The following ASH1L variants were observed in gnomAD, a reference collection of about 807,000 sequenced individuals.
The protein encoded by ASH1L is ASH1 like histone lysine methyltransferase, also known as histone-lysine N-methyltransferase ASH1L.
A neutral mutation model predicts 269.0 loss-of-function variants in ASH1L; 23 were observed. The observed-to-expected ratio is 0.09, with a 90% CI of 0.06 to 0.12. ASH1L has a LOEUF of 0.12. ASH1L is among the 10% of genes least tolerant of loss of function. ASH1L has a pLI of 1.00. For missense variants in ASH1L, 2,912 were observed against 3,567.8 expected (o/e 0.82, Z 4.68); for synonymous variants, 1,187 against 1,253.5 (o/e 0.95, Z 1.12).
chr1:155,482,566 G>T, intron 2 of ASH1L, 117 bp from the exon 3 acceptor site: 1 of 1,131,082 alleles, frequency 8.8e-7, no homozygotes, highest in Non-Finnish European at 1.3e-6. Context: ...GGCAACAGTG[G>T]TTTTTAAAAA....
intron 2 of ASH1L, among the ~76,000 whole-genome samples, chr1:155,508,826 A>G (rs897364821): frequency 7.2e-5 from 11 of 152,154 alleles, no homozygotes; most frequent in Non-Finnish European, 1.5e-4. Flanking sequence ...AACAGGACCA[A>G]AAGAAAAGAA....
chr1:155,551,044 C>T (rs1671164038), intron 1 of ASH1L, among the ~76,000 whole-genome samples: 1 of 152,102 alleles, frequency 6.6e-6, no homozygotes, highest in Admixed American at 6.6e-5. Flanking sequence ...CGGTCTGGAA[C>T]TCCTGGGCTC....
chr1:155,562,109 G>A (rs1335104090), intron 1 of ASH1L, 44 bp downstream of exon 1: 8 of 1,268,196 alleles, frequency 6.3e-6, no homozygotes, highest in Non-Finnish European at 7.8e-6. Flanking sequence ...CAATCGCTGA[G>A]AGAGTGCTTA....
At chr1:155,519,430 C>T (rs1215375752) in intron 2 of ASH1L, among the ~76,000 whole-genome samples, 1 of 151,764 alleles carries the variant, frequency 6.6e-6, no homozygotes, top group Non-Finnish European at 1.5e-5. Context: ...GAGTGAAACT[C>T]CAACTCAAAA....
intron 6 of ASH1L, among the ~76,000 whole-genome samples, chr1:155,406,416 G>A (rs1480174188): frequency 6.6e-6 from 1 of 152,114 alleles, no homozygotes; most frequent in Non-Finnish European, 1.5e-5. Context: ...ACAAAACTCC[G>A]GTATTTGGCC....
chr1:155,479,608 T>A lies in ASH1L; in HGVS notation c.3262A>T (p.Ile1088Phe). ...GATGAAGGCAGTAATGGGGGAAGAA[T>A]CTGTCCTAATGCTGACCCAGCTGCC... ...QQAAGSALGQ[I>F]LPPLLPSSAS... Residue 1088 changes from isoleucine (I) to phenylalanine (F), a missense_variant, in exon 3 of 28, where the codon ATT becomes TTT. Transcript: ENST00000392403. 6.2e-7 allele frequency: 1 copy of A among 1,614,210 alleles called. No homozygotes were observed. The highest frequency in any genetic ancestry group is 8.5e-7 in the Non-Finnish European group (1 of 1,180,032).
intron 2 of ASH1L, among the ~76,000 whole-genome samples, chr1:155,496,059 T>C (rs957030959): frequency 6.6e-6 from 1 of 152,208 alleles, no homozygotes; most frequent in Non-Finnish European, 1.5e-5. Context: ...TTTTACTTTA[T>C]TACCTTTTAC....
At chr1:155,468,907 T>C (rs993453697) in intron 3 of ASH1L, among the ~76,000 whole-genome samples, 2 of 152,104 alleles carry the variant, frequency 1.3e-5, no homozygotes, top group Non-Finnish European at 1.5e-5. Context: ...CAGAATGCTA[T>C]AGAATAACAA....
rs188853884 is a variant in ASH1L at position 155,414,380 on chromosome 1, G to A, written c.6008+1364C>T. Among the ~76,000 whole-genome samples, 932 of 152,158 alleles carry A rather than the reference G, an allele frequency of 6.1e-3. 10 individuals carry two copies. Among genetic ancestry groups the A allele is most frequent in the African/African-American group, 0.022 (907 of 41,512 alleles). On this transcript the variant is annotated intron_variant, in intron 6 of 27. Transcript: ENST00000392403. Reference sequence around the variant, plus strand: ...GGCTGGAGTCAATGGCTCGATCTCGGCTCACTGCAACCTCCGCCTCCCAGG... The same window carrying A: ...GGCTGGAGTCAATGGCTCGATCTCGACTCACTGCAACCTCCGCCTCCCAGG...
Position 155,553,801 on chromosome 1 carries a change from A to AT in ASH1L, c.-100+8351dup, listed in dbSNP as rs1035973060. 8.7e-3 allele frequency among the ~76,000 whole-genome samples: 1,260 copies of AT among 144,344 alleles called. 7 individuals are homozygous for AT. The highest frequency in any genetic ancestry group is 0.025 in the African/African-American group (984 of 39,502). 94.7% of individuals were successfully genotyped at this position (144,344 alleles called of 152,430 possible). A position where few individuals can be genotyped will look rare whatever the true frequency, so the allele number is the denominator to read the frequency against. On this transcript the variant is annotated intron_variant, in intron 1 of 27. Transcript: ENST00000392403. The stretch of plus-strand genomic sequence containing the variant: ...TTGTTAACATGCTCCTCCTATTAGA[A>AT]TTTTTTTTTTTTTTTGAGATGAAAT...
rs139363488 is a variant in ASH1L at position 155,378,408 on chromosome 1, A to C, written c.6224-19T>G. 2.0e-5 allele frequency: 33 copies of C among 1,612,376 alleles called. No individual in the cohort carries two copies. The highest frequency in any genetic ancestry group is 2.7e-5 in the Non-Finnish European group (32 of 1,178,358). On this transcript the variant is annotated intron_variant, in intron 9 of 27. Coordinates refer to ENST00000392403, the MANE Select transcript of ASH1L (RefSeq NM_018489.3). ...TAGACATCTTGAAAAGAAAGCAAAGAATAGTTTGTGAACATACAGGATAAT... is the reference window on the plus strand; with the variant it reads ...TAGACATCTTGAAAAGAAAGCAAAGCATAGTTTGTGAACATACAGGATAAT...
intron 1 of ASH1L, among the ~76,000 whole-genome samples, chr1:155,548,248 G>A (rs1367714533): frequency 1.3e-5 from 2 of 152,168 alleles, no homozygotes; most frequent in East Asian, 1.9e-4. Context: ...TGAGCTGGAT[G>A]CAGTGGCTCA....
chr1:155,391,155 A>G (rs1185596762), intron 7 of ASH1L, among the ~76,000 whole-genome samples: 1 of 152,154 alleles, frequency 6.6e-6, no homozygotes, highest in African/African-American at 2.4e-5. Flanking sequence ...CATGTTGGCC[A>G]GGCTGGTCTC....
At chr1:155,469,394 G>A (rs1664926425) in intron 3 of ASH1L, among the ~76,000 whole-genome samples, 1 of 151,848 alleles carries the variant, frequency 6.6e-6, no homozygotes, top group Non-Finnish European at 1.5e-5. Context: ...TGTTGGTAAG[G>A]CTGGCCTTGA....
rs13373934 is a variant in ASH1L, at chr1:155,478,624, A to G, written c.4246T>C (p.Ser1416Pro). 1.9e-3 allele frequency: 3,143 copies of G among 1,614,048 alleles called. 57 individuals carry two copies. In the African/African-American group the frequency reaches 0.036, roughly 19 times the overall value. Residue 1416 changes from serine (S) to proline (P), a missense_variant, in exon 3 of 28, where the codon TCT becomes CCT. Around this residue, in one of 13 missense-constraint regions of ASH1L, gnomAD observed 789 missense variants for 897.6 expected, o/e 0.88. Coordinates refer to ENST00000392403, the MANE Select transcript of ASH1L (RefSeq NM_018489.3). The surrounding 1 kb of genome is among the most constrained non-coding windows in gnomAD (Gnocchi z 4.6). The part of the protein sequence containing the change: ...PTLYPPPPSP[S>P]FTTPLPPPSY... ...GGAGGTGGAAGTGGCGTGGTGAAAG[A>G]AGGAGATGGAGGAGGTGGATAAAGA...
intron 1 of ASH1L, among the ~76,000 whole-genome samples, chr1:155,527,563 GT>G (rs1669350929): frequency 1.5e-5 from 2 of 136,090 alleles, no homozygotes; most frequent in African/African-American, 2.8e-5. Flanking sequence ...TTGAGTCAAG[GT>G]CTCTCTCTGT....
chr1:155,473,910 A>G (rs897826818), intron 3 of ASH1L, among the ~76,000 whole-genome samples: 9 of 152,154 alleles, frequency 5.9e-5, no homozygotes, highest in African/African-American at 1.7e-4. Context: ...ATTTCGGCTC[A>G]CTGCAACCTC....
At chr1:155,384,585 T>A (rs1319224098) in intron 7 of ASH1L, among the ~76,000 whole-genome samples, 2 of 152,120 alleles carry the variant, frequency 1.3e-5, no homozygotes, top group Non-Finnish European at 2.9e-5. Flanking sequence ...GTATTTTTTG[T>A]AGAGACAGGG....
In ASH1L at chr1:155,562,405, G is replaced by T. The variant is rs1459849766; in HGVS notation, c.-352C>A. Reference sequence around the variant, plus strand: ...TGGGATCGTCTCCCCTCCGCAAAGCGAACCCAAAATGGCGGCGGGAGCGGC... The same window carrying T: ...TGGGATCGTCTCCCCTCCGCAAAGCTAACCCAAAATGGCGGCGGGAGCGGC... On this transcript the variant is annotated 5_prime_UTR_variant, in exon 1 of 28. Transcript: ENST00000392403. 5 of 1,496,050 alleles carry T rather than the reference G, an allele frequency of 3.3e-6. No homozygotes were observed. The highest frequency in any genetic ancestry group is 3.6e-6 in the Non-Finnish European group (4 of 1,101,744). 92.7% of individuals were successfully genotyped at this position (1,496,050 alleles called of 1,614,324 possible). A position where few individuals can be genotyped will look rare whatever the true frequency, so the allele number is the denominator to read the frequency against.
Sources: gnomAD v4.1 joint callset for allele counts (sites outside exome capture counted in the v4.1 genomes callset) on GRCh38, gnomAD v4.1.1 for gene constraint, gnomAD v4.1.1 regional missense constraint, Gnocchi (gnomAD v3.1) non-coding constraint, MANE v1.5 for transcripts, NCBI Gene and HGNC (gene_info 2026-07-23, HGNC 2026-07-21) for gene names.